ZNF346: variants seen among roughly 807,000 people sequenced by gnomAD.
ZNF346 encodes the protein zinc finger protein 346.
Under a neutral mutation model 33.7 loss-of-function variants are expected in ZNF346, and 23 were observed. The ratio of observed to expected loss-of-function variants is 0.68; its 90% CI spans 0.49 to 0.97. ZNF346 has a LOEUF of 0.97. Ranked by LOEUF, ZNF346 falls within the 50% of genes least tolerant of loss-of-function variation. The pLI is 0.00. For missense variants in ZNF346, 340 were observed against 371.1 expected, an observed-to-expected ratio of 0.92 and a Z score of 0.69; for synonymous variants, 134 against 142.4, an observed-to-expected ratio of 0.94 and a Z score of 0.42.
chr5:177,061,917 C>T, intron 5 of ZNF346, 141 bp from the exon 6 acceptor site: 1 of 683,308 alleles, frequency 1.5e-6, no homozygotes, highest in South Asian at 1.7e-5. Flanking sequence ...GCACTGTGGC[C>T]TCTGGGTTCT....
chr5:177,073,813 TC>T (rs1171002758), intron 8 of ZNF346, among the ~76,000 whole-genome samples: 1 of 88,250 alleles, frequency 1.1e-5, no homozygotes, highest in Non-Finnish European at 2.2e-5. Flanking sequence ...CCCATCAAGA[TC>T]GGGCGGGCGG....
chr5:177,055,508 A>G (rs1359112074), intron 5 of ZNF346, among the ~76,000 whole-genome samples: 1 of 152,134 alleles, frequency 6.6e-6, no homozygotes, highest in Admixed American at 6.6e-5. Flanking sequence ...GTCTAGAAAG[A>G]CCTAGTAGGA....
chr5:177,041,631 C>CA, intron 2 of ZNF346, 147 bp from the exon 3 acceptor site: 1 of 612,442 alleles, frequency 1.6e-6, no homozygotes. Flanking sequence ...AAATGCCTTG[C>CA]ACAGAGCAGG....
Position 177,067,112 on chromosome 5 carries a change from T to C in ZNF346, c.*2513T>C, listed in dbSNP as rs1240980659. 2.0e-5 allele frequency among the ~76,000 whole-genome samples: 3 copies of C among 152,032 alleles called. No homozygotes were observed. Among genetic ancestry groups the C allele is most frequent in the Non-Finnish European group, 4.4e-5 (3 of 68,016 alleles). On this transcript the variant is annotated 3_prime_UTR_variant, in exon 7 of 7. Coordinates refer to ENST00000358149, the MANE Select transcript of ZNF346 (RefSeq NM_012279.4). ...AAAAGAAGGTAGCCAGGTGTGGTGG[T>C]GCATTCCTGTAGTCCTGGCTACCTG... is the stretch of plus-strand genomic sequence containing the variant.
At chr5:177,031,936 G>A (rs1224362624) in intron 1 of ZNF346, among the ~76,000 whole-genome samples, 1 of 126,860 alleles carries the variant, frequency 7.9e-6, no homozygotes, top group East Asian at 2.5e-4. Flanking sequence ...CCATTTGTTT[G>A]TTTTATTAGT....
intron 5 of ZNF346, among the ~76,000 whole-genome samples, chr5:177,057,411 T>G (rs1333692580): frequency 6.6e-6 from 1 of 151,888 alleles, no homozygotes. Flanking sequence ...GAGATGCAGG[T>G]GGCAATCAAG....
Position 177,067,601 on chromosome 5 carries a change from G to C in ZNF346, c.*3002G>C, listed in dbSNP as rs1015355540. 3.9e-5 allele frequency among the ~76,000 whole-genome samples: 6 copies of C among 152,214 alleles called. No homozygotes were observed. The highest frequency in any genetic ancestry group is 1.4e-4 in the African/African-American group (6 of 41,448). On this transcript the variant is annotated 3_prime_UTR_variant, in exon 7 of 7. Coordinates refer to ENST00000358149, the MANE Select transcript of ZNF346 (RefSeq NM_012279.4). Reference sequence around the variant, plus strand: ...CAAGACCACTTTGTAGTCCCTACCAGCTGTGTGGCCAGCCCTGTTGGTAAA... The same window carrying C: ...CAAGACCACTTTGTAGTCCCTACCACCTGTGTGGCCAGCCCTGTTGGTAAA...
chr5:177,038,858 T>A (rs1778921232), intron 1 of ZNF346, among the ~76,000 whole-genome samples: 1 of 143,800 alleles, frequency 7.0e-6, no homozygotes, highest in South Asian at 2.2e-4. Flanking sequence ...TTTTTTTTCT[T>A]CTTTTTTCTT....
intron 4 of ZNF346, 66 bp downstream of exon 4, chr5:177,044,599 G>T (rs1375669042): frequency 6.5e-7 from 1 of 1,549,660 alleles, no homozygotes; most frequent in South Asian, 1.2e-5. Flanking sequence ...ACTGCCAGGG[G>T]CTCACAGAGA....
At chr5:177,023,371 C>T in intron 1 of ZNF346, 3 of 684,420 alleles carry the variant, frequency 4.4e-6, no homozygotes, top group Admixed American at 2.3e-5. Context: ...CTCCTTACCC[C>T]CTGGGTTCCT....
chr5:177,076,950 A>C (rs1783780111), intron 8 of ZNF346, among the ~76,000 whole-genome samples: 1 of 152,300 alleles, frequency 6.6e-6, no homozygotes, highest in South Asian at 2.1e-4. Flanking sequence ...CTGAGGCTGG[A>C]GAATCGCTTG....
intron 5 of ZNF346, among the ~76,000 whole-genome samples, chr5:177,054,698 C>T (rs978818765): frequency 2.0e-5 from 3 of 152,090 alleles, no homozygotes; most frequent in South Asian, 4.1e-4. Context: ...CGTGCCTGGC[C>T]GGCATTTTTT....
intron 1 of ZNF346, among the ~76,000 whole-genome samples, chr5:177,030,137 T>A (rs1248215421): frequency 1.3e-5 from 2 of 152,226 alleles, no homozygotes; most frequent in Non-Finnish European, 2.9e-5. Flanking sequence ...CATAAATTTT[T>A]GAATGTTTTA....
At chr5:177,075,850 C>G (rs1223447567) in intron 8 of ZNF346, among the ~76,000 whole-genome samples, 2 of 152,202 alleles carry the variant, frequency 1.3e-5, no homozygotes, top group Non-Finnish European at 2.9e-5. Context: ...CCACGCCCAG[C>G]TAATTTTTGT....
chr5:177,047,213 C>T (rs1472217503), intron 4 of ZNF346, among the ~76,000 whole-genome samples: 1 of 151,648 alleles, frequency 6.6e-6, no homozygotes, highest in African/African-American at 2.4e-5. Flanking sequence ...CGCGCCTGGC[C>T]AATTTTTGTG....
At chr5:177,061,599 G>A (rs1782559378) in intron 5 of ZNF346, among the ~76,000 whole-genome samples, 1 of 152,334 alleles carries the variant, frequency 6.6e-6, no homozygotes, top group Non-Finnish European at 1.5e-5. Flanking sequence ...CTGAGATAGG[G>A]TCTGTGATTC....
intron 5 of ZNF346, among the ~76,000 whole-genome samples, chr5:177,051,175 T>TC (rs1780823287): frequency 7.1e-6 from 1 of 141,466 alleles, no homozygotes; most frequent in African/African-American, 2.7e-5. Flanking sequence ...CTTTTCTTTT[T>TC]TTTTTTTTTT....
Position 177,074,343 on chromosome 5 carries a change from A to G in ZNF346, c.*3-5039A>G, listed in dbSNP as rs372246169. 7.5e-4 allele frequency among the ~76,000 whole-genome samples: 114 copies of G among 152,236 alleles called. 1 individual carries two copies. The highest frequency in any genetic ancestry group is 6.8e-3 in the Middle Eastern group (2 of 294). ...CCTGGCTTTTGCCAGAACAGTTGAG[A>G]AGTTGCCAAGTGGGAATGTCTCGAG... On this transcript the variant is annotated intron_variant, in intron 8 of 8. Transcript: ENST00000503039.
chr5:177,044,410 A>G lies in ZNF346; in HGVS notation c.394A>G (p.Lys132Glu). 1 of 1,614,128 alleles carries G rather than the reference A, an allele frequency of 6.2e-7. No homozygotes were observed. Among genetic ancestry groups the G allele is most frequent in the Non-Finnish European group, 8.5e-7 (1 of 1,180,036 alleles). The change falls in exon 4 of 7, where the codon AAG (lysine) becomes GAG (glutamate). Residue 132 changes from lysine (K) to glutamate (E), a missense_variant. Coordinates refer to ENST00000358149, the MANE Select transcript of ZNF346 (RefSeq NM_012279.4). ...CCAGAAGAGCAGCAGAAGCAAAGAC[A>G]AGAACCAGTGCTGCCCCATCTGTAA... ...SDQKSSRSKD[K>E]NQCCPICNMT...
Sources: allele counts gnomAD v4.1 joint callset (sites outside exome capture counted in the v4.1 genomes callset), GRCh38; gene constraint gnomAD v4.1.1; transcripts MANE v1.5; gene names NCBI Gene and HGNC (gene_info 2026-07-23, HGNC 2026-07-21).